SLC24A3: variants seen among roughly 807,000 people sequenced by gnomAD.
The protein encoded by SLC24A3 is sodium/potassium/calcium exchanger 3.
Under a neutral mutation model 75.8 loss-of-function variants are expected in SLC24A3, and 28 were observed. The ratio of observed to expected loss-of-function variants is 0.37; its 90% confidence interval spans 0.27 to 0.51. SLC24A3 has a LOEUF of 0.51. Among genes scored for constraint, SLC24A3 ranks in the 20% least tolerant of loss-of-function variants. The probability of loss-of-function intolerance (pLI) is 0.94; values close to 1 mark genes in which losing one functional copy is unlikely to be tolerated. For missense variants in SLC24A3, 663 were observed against 847.8 expected, an observed-to-expected ratio of 0.78 and a Z score of 2.71; for synonymous variants, 372 against 334.1, an observed-to-expected ratio of 1.11 and a Z score of -1.24.
At chr20:19,449,595 A>G (rs530415308) in intron 2 of SLC24A3, among the ~76,000 whole-genome samples, 1 of 152,214 alleles carries the variant, frequency 6.6e-6, no homozygotes, top group Non-Finnish European at 1.5e-5. Context: ...AGGGTCCTCC[A>G]TCTTTTCCTC....
intron 2 of SLC24A3, among the ~76,000 whole-genome samples, chr20:19,429,606 A>G (rs900201333): frequency 6.6e-6 from 1 of 152,188 alleles, no homozygotes; most frequent in Non-Finnish European, 1.5e-5. Flanking sequence ...TTACTGTGTC[A>G]TTTTAATAGA....
At chr20:19,602,845 T>G (rs2031545000) in intron 6 of SLC24A3, among the ~76,000 whole-genome samples, 1 of 152,038 alleles carries the variant, frequency 6.6e-6, no homozygotes, top group African/African-American at 2.4e-5. Flanking sequence ...GGCAGGTGTG[T>G]GGGGAGTTGA....
intron 2 of SLC24A3, among the ~76,000 whole-genome samples, chr20:19,478,287 C>T (rs187772204): frequency 6.6e-6 from 1 of 152,282 alleles, no homozygotes; most frequent in Non-Finnish European, 1.5e-5. Flanking sequence ...ACTGATGGAT[C>T]TTTAGGGCTC....
chr20:19,474,732 G>A (rs1469874415), intron 2 of SLC24A3, among the ~76,000 whole-genome samples: 1 of 152,168 alleles, frequency 6.6e-6, no homozygotes, highest in Non-Finnish European at 1.5e-5. Flanking sequence ...TTTTGTGTGT[G>A]TGGTAAGAAC....
intron 1 of SLC24A3, among the ~76,000 whole-genome samples, chr20:19,267,194 A>G (rs2122204974): frequency 6.6e-6 from 1 of 152,304 alleles, no homozygotes; most frequent in South Asian, 2.1e-4. Context: ...AACCATTTTG[A>G]AAATATTAGT....
intron 2 of SLC24A3, among the ~76,000 whole-genome samples, chr20:19,364,850 A>G (rs944229349): frequency 3.3e-5 from 5 of 152,130 alleles, no homozygotes; most frequent in African/African-American, 9.7e-5. Context: ...GGGCAGTGCC[A>G]TTATCTGCAG....
chr20:19,256,768 CAAA>C (rs11475395), intron 1 of SLC24A3, among the ~76,000 whole-genome samples: 11 of 80,288 alleles, frequency 1.4e-4, no homozygotes, highest in Admixed American at 3.6e-4. Context: ...GACGTTGTCT[CAAA>C]AAAAAAAAAA....
intron 1 of SLC24A3, among the ~76,000 whole-genome samples, chr20:19,268,676 A>G (rs1410271518): frequency 2.0e-5 from 3 of 152,186 alleles, no homozygotes; most frequent in Non-Finnish European, 4.4e-5. Flanking sequence ...ATGGGGCCTC[A>G]TGTGATTTCT....
At chr20:19,415,077 T>C (rs1986805307) in intron 2 of SLC24A3, among the ~76,000 whole-genome samples, 1 of 152,236 alleles carries the variant, frequency 6.6e-6, no homozygotes, top group Non-Finnish European at 1.5e-5. Context: ...ATAATACCTA[T>C]AAATGTGTAT....
In SLC24A3 at chr20:19,673,560, A is replaced by T; in HGVS notation, c.714-41A>T. 2.5e-6 allele frequency: 4 copies of T among 1,578,838 alleles called. No homozygotes were observed. In the South Asian group the frequency reaches 4.4e-5, roughly 18 times the overall value. The stretch of plus-strand genomic sequence containing the variant: ...AAAATGAGGCAGGTGAGTTTCACAG[A>T]TGTCCATGACTGTCTTTAACTGTTC... On this transcript the variant is annotated intron_variant, in intron 8 of 16. Transcript: ENST00000328041.
rs574653374 is a variant in SLC24A3 at position 19,693,262 on chromosome 20, G to T, written c.1328G>T (p.Gly443Val). 1.9e-6 allele frequency: 3 copies of T among 1,605,028 alleles called. No individual in the cohort carries two copies. Among genetic ancestry groups the T allele is most frequent in the South Asian group, 1.1e-5 (1 of 89,118 alleles). The stretch of plus-strand genomic sequence containing the variant: ...TTGGCCTTTTTCATTTTTCCAGCGG[G>T]TAAACTGGAAACAGTGAAATGGGCG... ...GPYTPFDTPSGKLETVKWAFT... is the reference protein window; with the variant it reads ...GPYTPFDTPSVKLETVKWAFT... Residue 443 changes from glycine to valine, a missense_variant, in exon 13 of 17, where the codon GGT (glycine) becomes GTT (valine). By Grantham distance (109) the Gly-to-Val change is moderately radical. Around this residue, in one of 2 missense-constraint regions of SLC24A3, gnomAD observed 510 missense variants for 703.6 expected, o/e 0.72. Coordinates refer to ENST00000328041, the MANE Select transcript of SLC24A3 (RefSeq NM_020689.4).
chr20:19,257,782 T>C (rs1044901681), intron 1 of SLC24A3: 12 of 152,222 alleles, frequency 7.9e-5, no homozygotes, highest in African/African-American at 1.2e-4. Context: ...TGTATTTCCA[T>C]TGGGAGCTTG....
At chr20:19,461,109 A>C (rs3790218) in intron 2 of SLC24A3, among the ~76,000 whole-genome samples, 85,356 of 151,974 alleles carry the variant, frequency 0.56, 24,115 homozygotes, top group Non-Finnish European at 0.58. Context: ...ATCTGGAGAA[A>C]GCCCCTGATC....
chr20:19,371,046 C>T (rs1053539113), intron 2 of SLC24A3, among the ~76,000 whole-genome samples: 2 of 152,038 alleles, frequency 1.3e-5, no homozygotes, highest in Non-Finnish European at 2.9e-5. Context: ...GTGGGTCTTC[C>T]CAGAAGCAGC....
chr20:19,580,130 C>T, intron 4 of SLC24A3, 56 bp downstream of exon 4: 3 of 1,492,140 alleles, frequency 2.0e-6, no homozygotes, highest in Non-Finnish European at 2.8e-6. Context: ...GGACCTGTGC[C>T]CTGTACTGTT....
intron 6 of SLC24A3, among the ~76,000 whole-genome samples, chr20:19,645,671 T>TA (rs908521793): frequency 1.4e-4 from 21 of 150,366 alleles, no homozygotes; most frequent in African/African-American, 4.6e-4. Context: ...ACATCCCCCC[T>TA]AAAAAAAAAT....
intron 2 of SLC24A3, among the ~76,000 whole-genome samples, chr20:19,349,134 A>G (rs1242124882): frequency 1.3e-5 from 2 of 152,122 alleles, no homozygotes; most frequent in South Asian, 4.1e-4. Flanking sequence ...TTTTTCCAAG[A>G]TACAATTTCT....
Position 19,212,982 on chromosome 20 carries a change from A to T in SLC24A3, c.140A>T (p.Lys47Met). The change falls in exon 1 of 17, where the codon AAG becomes ATG. Residue 47 changes from lysine to methionine, a missense_variant and splice_region_variant. Lys to Met is a moderately conservative substitution (Grantham distance 95, BLOSUM62 -1). Coordinates refer to ENST00000328041, the MANE Select transcript of SLC24A3 (RefSeq NM_020689.4). Reference sequence around the variant, plus strand: ...TCGCTGTCGAGCCTGCGAGAGCAGAAGGGTGAGTGCACGCTGCCTGCCCCG... The same window carrying T: ...TCGCTGTCGAGCCTGCGAGAGCAGATGGGTGAGTGCACGCTGCCTGCCCCG... ...LWSLSSLREQ[K>M]ELDLMDLVGE... is the part of the protein sequence containing the mutation. The T allele has an allele frequency of 7.8e-7, 1 of 1,284,666 alleles. No individual in the cohort carries two copies. The highest frequency in any genetic ancestry group is 9.9e-7 in the Non-Finnish European group (1 of 1,013,710). 79.6% of individuals were successfully genotyped at this position (1,284,666 alleles called of 1,614,324 possible). A position where few individuals can be genotyped will look rare whatever the true frequency, so the allele number is the denominator to read the frequency against.
chr20:19,613,933 G>T (rs188888107), intron 6 of SLC24A3, among the ~76,000 whole-genome samples: 3 of 152,138 alleles, frequency 2.0e-5, no homozygotes, highest in East Asian at 3.9e-4. Flanking sequence ...AATTCTTTGC[G>T]TTCAACCCGC....
Sources: allele counts gnomAD v4.1 joint callset (sites outside exome capture counted in the v4.1 genomes callset), GRCh38; gene constraint gnomAD v4.1.1; regional missense constraint gnomAD v4.1.1; transcripts MANE v1.5; gene names NCBI Gene and HGNC (gene_info 2026-07-23, HGNC 2026-07-21).